The following PALLD variants were observed in gnomAD, a reference collection of about 807,000 sequenced individuals.
PALLD encodes the protein palladin.
Under a neutral mutation model 123.5 loss-of-function variants are expected in PALLD, and 61 were observed. The ratio of observed to expected loss-of-function variants is 0.49; its 90% CI spans 0.40 to 0.61. The LOEUF is 0.61. Among genes scored for constraint, PALLD ranks in the 20% least tolerant of loss-of-function variants. The pLI, the probability that PALLD is intolerant of heterozygous loss-of-function variation, is 0.00. For synonymous variants in PALLD, 465 were observed against 496.4 expected (o/e 0.94, Z 0.84); for missense variants, 1,273 against 1,377.0 (o/e 0.92, Z 1.20).
intron 2 of PALLD, among the ~76,000 whole-genome samples, chr4:168,518,532 A>C (rs1043743084): frequency 1.3e-5 from 2 of 152,092 alleles, no homozygotes; most frequent in Non-Finnish European, 2.9e-5. Flanking sequence ...TCACACCACC[A>C]GGCTTGTTCT....
intron 2 of PALLD, among the ~76,000 whole-genome samples, chr4:168,641,309 G>A (rs1460045647): frequency 2.0e-5 from 3 of 151,894 alleles, no homozygotes; most frequent in South Asian, 2.1e-4. Flanking sequence ...AATAAGCACC[G>A]TAGAGGGTTT....
chr4:168,658,285 G>GTTT (rs66527351), intron 2 of PALLD, among the ~76,000 whole-genome samples: 14,287 of 131,180 alleles, frequency 0.11, 972 homozygotes, highest in African/African-American at 0.13. Context: ...TTTTTATTTG[G>GTTT]TTTTTTTTTT....
At chr4:168,731,644 T>C (rs773496821) in intron 10 of PALLD, among the ~76,000 whole-genome samples, 3 of 152,240 alleles carry the variant, frequency 2.0e-5, no homozygotes, top group Non-Finnish European at 4.4e-5. Flanking sequence ...AATAAGCAAT[T>C]TGCAAAACTT....
intron 10 of PALLD, among the ~76,000 whole-genome samples, chr4:168,841,842 A>G (rs570884277): frequency 1.3e-5 from 2 of 152,350 alleles, no homozygotes; most frequent in East Asian, 3.9e-4. Flanking sequence ...TCCTGTCACC[A>G]TAGCAGTCTA....
rs77875308 is a variant in PALLD, at chr4:168,891,098, C to T, written c.2100+41C>T. 39,425 of 1,601,956 alleles carry T rather than the reference C, an allele frequency of 0.025. 566 individuals are homozygous for T. Among genetic ancestry groups the T allele is most frequent in the South Asian group, 0.046 (4,139 of 90,850 alleles). The stretch of plus-strand genomic sequence containing the variant: ...GGACCTGGACTTGGAATGTTAGCTA[C>T]CCACATACCTTTCTTCCTTTCTCTA... On this transcript the variant is annotated intron_variant, in intron 11 of 21. Transcript: ENST00000505667.
chr4:168,736,059 A>C (rs537683027), intron 10 of PALLD, among the ~76,000 whole-genome samples: 2 of 152,256 alleles, frequency 1.3e-5, no homozygotes, highest in Non-Finnish European at 2.9e-5. Flanking sequence ...ACTGGAGCTC[A>C]TTCAGTGGCT....
chr4:168,762,788 A>G (rs1232223511), intron 10 of PALLD, among the ~76,000 whole-genome samples: 2 of 152,252 alleles, frequency 1.3e-5, no homozygotes, highest in Admixed American at 6.5e-5. Context: ...ATGCCCATCA[A>G]TGATAGACTA....
At chr4:168,666,846 G>GA (rs918734955) in intron 2 of PALLD, among the ~76,000 whole-genome samples, 2 of 151,696 alleles carry the variant, frequency 1.3e-5, no homozygotes, top group Non-Finnish European at 2.9e-5. Flanking sequence ...AAAGATAACA[G>GA]AAAAAAAAGA....
At chr4:168,881,797 G>A (rs1275449032) in intron 10 of PALLD, among the ~76,000 whole-genome samples, 1 of 152,090 alleles carries the variant, frequency 6.6e-6, no homozygotes, top group East Asian at 1.9e-4. Context: ...AGCCTCCATT[G>A]CTGTAACCAT....
chr4:168,883,946 A>AT (rs1752984313), intron 10 of PALLD, among the ~76,000 whole-genome samples: 1 of 101,822 alleles, frequency 9.8e-6, no homozygotes. Flanking sequence ...TGTGCAAACC[A>AT]TCAAAAAAAA....
intron 10 of PALLD, among the ~76,000 whole-genome samples, chr4:168,827,290 C>T (rs1743549201): frequency 6.6e-6 from 1 of 152,232 alleles, no homozygotes; most frequent in Non-Finnish European, 1.5e-5. Context: ...TTTCCCTCCT[C>T]CCCTACTAGT....
chr4:168,600,799 C>G (rs1413807712), intron 2 of PALLD, among the ~76,000 whole-genome samples: 1 of 152,120 alleles, frequency 6.6e-6, no homozygotes, highest in Non-Finnish European at 1.5e-5. Flanking sequence ...CAGTTACCAA[C>G]AGGGCACAAG....
chr4:168,893,018 C>T (rs139320144), intron 11 of PALLD, among the ~76,000 whole-genome samples: 14 of 152,124 alleles, frequency 9.2e-5, no homozygotes, highest in Middle Eastern at 3.4e-3. Context: ...TCTGTAGACA[C>T]GGGCTTTTAT....
intron 10 of PALLD, chr4:168,712,174 C>A: frequency 1.8e-6 from 1 of 558,794 alleles, no homozygotes; most frequent in Non-Finnish European, 3.2e-6. Flanking sequence ...TATCTGTGCC[C>A]AGTGTGGGCT....
At chr4:168,642,825 C>G (rs368110543) in intron 2 of PALLD, among the ~76,000 whole-genome samples, 2 of 152,254 alleles carry the variant, frequency 1.3e-5, no homozygotes, top group African/African-American at 4.8e-5. Context: ...TGGGAAGAAA[C>G]TGCTTTTCCT....
intron 2 of PALLD, among the ~76,000 whole-genome samples, chr4:168,632,367 A>T (rs1775920715): frequency 6.6e-6 from 1 of 152,218 alleles, no homozygotes; most frequent in Admixed American, 6.5e-5. Context: ...CTGACAGCCT[A>T]AGAGCTGCTC....
At chr4:168,817,466 T>A (rs1742135228) in intron 10 of PALLD, among the ~76,000 whole-genome samples, 1 of 152,204 alleles carries the variant, frequency 6.6e-6, no homozygotes, top group Non-Finnish European at 1.5e-5. Flanking sequence ...AGATACAGTG[T>A]CTAACTTAAA....
chr4:168,597,633 T>A (rs995697169), intron 2 of PALLD, among the ~76,000 whole-genome samples: 6 of 152,166 alleles, frequency 3.9e-5, no homozygotes, highest in African/African-American at 1.4e-4. Flanking sequence ...TAAGTCATTT[T>A]TCCTCCAGCA....
chr4:168,689,432 C>CTTTTTTTTTTT lies in PALLD; in HGVS notation c.1336-1148_1336-1138dup, dbSNP rs70961551. Among the ~76,000 whole-genome samples, 29 of 49,862 alleles carry CTTTTTTTTTTT rather than the reference C, an allele frequency of 5.8e-4. 3 individuals carry two copies. The highest frequency in any genetic ancestry group is 9.9e-4 in the Non-Finnish European group (26 of 26,380). The allele number at this position is 49,862 out of a possible 152,430, so 32.7% of individuals were successfully genotyped here. On this transcript the variant is annotated intron_variant, in intron 6 of 21. Coordinates refer to ENST00000505667, the MANE Select transcript of PALLD (RefSeq NM_001166108.2). ...TACACCTTACATTCGATCCAATATT[C>CTTTTTTTTTTT]TTTTTTTTTTTTTTTTTTTTTTTTT...
Sources: allele counts gnomAD v4.1 joint callset (sites outside exome capture counted in the v4.1 genomes callset), GRCh38; gene constraint gnomAD v4.1.1; transcripts MANE v1.5; gene names NCBI Gene and HGNC (gene_info 2026-07-23, HGNC 2026-07-21).